The following BCL2L12 variants were observed in gnomAD, a reference collection of about 807,000 sequenced individuals.
BCL2L12 encodes bcl-2-like protein 12.
A neutral mutation model predicts 25.7 loss-of-function variants in BCL2L12; 27 were observed. The ratio of observed to expected loss-of-function variants is 1.05; its 90% CI spans 0.78 to 1.45. The LOEUF (loss-of-function observed/expected upper bound fraction) is 1.45. BCL2L12 is among the 40% of genes most tolerant of loss of function. The probability of loss-of-function intolerance (pLI) is 0.00; values close to 1 mark genes in which losing one functional copy is unlikely to be tolerated. For missense variants in BCL2L12, 302 were observed against 329.8 expected (o/e 0.92, Z 0.65); for synonymous variants, 132 against 145.6 (o/e 0.91, Z 0.67).
rs555774945 is a variant in BCL2L12, at chr19:49,670,011, T to G, written c.430-205T>G. On this transcript the variant is annotated intron_variant, in intron 5 of 6. Transcript: ENST00000246784. ...TGTTGAGGCAAGGGCCTGGCATGGCTTAGGGACTCACGTTCCAGGCCACTA... is the reference window on the plus strand; with the variant it reads ...TGTTGAGGCAAGGGCCTGGCATGGCGTAGGGACTCACGTTCCAGGCCACTA... Among the ~76,000 whole-genome samples, 267 of 152,280 alleles carry G rather than the reference T, an allele frequency of 1.8e-3. 1 individual carries two copies. Among genetic ancestry groups the G allele is most frequent in the Middle Eastern group, 0.017 (5 of 294 alleles).
At chr19:49,665,876 G>C (rs778347169), upstream of BCL2L12, 3 of 1,611,320 alleles carry the variant, frequency 1.9e-6, no homozygotes, top group Non-Finnish European at 2.5e-6. Context: ...TTGGGTTTCC[G>C]GCCAGAGGCA....
At chr19:49,665,654 CG>C (rs2081688591), upstream of BCL2L12, 1 of 830,226 alleles carries the variant, frequency 1.2e-6, no homozygotes, top group African/African-American at 1.7e-5. Context: ...TCGGGGCGTG[CG>C]GGCAGCTGGA....
In BCL2L12 at chr19:49,669,015, T is replaced by C. The variant is rs766975124; in HGVS notation, c.338-9T>C. On this transcript the variant is annotated splice_polypyrimidine_tract_variant and intron_variant, in intron 4 of 6. Coordinates refer to ENST00000246784, the MANE Select transcript of BCL2L12 (RefSeq NM_138639.2). ...TTCTGCCCCCAGCCAAATTCTCTTC[T>C]GCCTCCAGAATTACAGGGTCCCCCA... 6.2e-7 allele frequency: 1 copy of C among 1,613,946 alleles called. No individual in the cohort carries two copies. Among genetic ancestry groups the C allele is most frequent in the Admixed American group, 1.7e-5 (1 of 60,004 alleles).
intron 5 of BCL2L12, among the ~76,000 whole-genome samples, chr19:49,669,596 C>T (rs2081909835): frequency 6.6e-6 from 1 of 150,680 alleles, no homozygotes; most frequent in East Asian, 1.9e-4. Flanking sequence ...TAGTACTGTA[C>T]CGTAAATTAG....
chr19:49,671,820 T>G (rs997948187), intron 6 of BCL2L12, among the ~76,000 whole-genome samples: 2 of 152,166 alleles, frequency 1.3e-5, no homozygotes, highest in Non-Finnish European at 2.9e-5. Context: ...GGGAACCCCC[T>G]GCCTCCGTCC....
intron 1 of BCL2L12, 121 bp from the exon 2 acceptor site, chr19:49,666,564 C>A: frequency 1.4e-6 from 1 of 695,888 alleles, no homozygotes; most frequent in Non-Finnish European, 2.4e-6. Flanking sequence ...GACCCACACT[C>A]TCCAAAGGAC....
upstream of BCL2L12, chr19:49,665,521 C>T: frequency 3.3e-6 from 1 of 307,574 alleles, no homozygotes; most frequent in Non-Finnish European, 6.1e-6. Flanking sequence ...CCTTGCTCCA[C>T]TTTCCCCAGA....
intron 3 of BCL2L12, among the ~76,000 whole-genome samples, chr19:49,668,566 G>A (rs1443320369): frequency 1.3e-5 from 2 of 152,062 alleles, no homozygotes; most frequent in Non-Finnish European, 2.9e-5. Flanking sequence ...CACTTTGGGA[G>A]GCTGAGGTGG....
At position 49,672,149 on chromosome 19, in the gene BCL2L12, G is replaced by A. The variant is rs2081972997; in HGVS notation, c.703-1549G>A. ...GATTGGGCTCCAGCGTGCTGGCCCTGTGGCTTGGCGACTGTCGCAGTCTCC... is the reference window on the plus strand; with the variant it reads ...GATTGGGCTCCAGCGTGCTGGCCCTATGGCTTGGCGACTGTCGCAGTCTCC... On this transcript the variant is annotated intron_variant, in intron 6 of 6. Transcript: ENST00000246784. This position sits in a 1 kb window ranked among gnomAD's most constrained non-coding sequence, Gnocchi z 4.1. 6.6e-6 allele frequency: 1 copy of A among 152,452 alleles called. No individual in the cohort carries two copies. Among genetic ancestry groups the A allele is most frequent in the Non-Finnish European group, 1.5e-5 (1 of 68,118 alleles). 9.4% of individuals were successfully genotyped at this position (152,452 alleles called of 1,614,324 possible).
At position 49,673,749 on chromosome 19, in the gene BCL2L12, GC is replaced by G. The variant is rs753253708; in HGVS notation, c.*2del. On this transcript the variant is annotated 3_prime_UTR_variant, in exon 7 of 7. Transcript: ENST00000246784. Reference sequence around the variant, plus strand: ...GGACTTGAACTTGCCATTGGACTGAGCTCTTTCTCAGAAGCTGCTACAAGAT... The same window carrying G: ...GGACTTGAACTTGCCATTGGACTGAGTCTTTCTCAGAAGCTGCTACAAGAT... 17 of 1,614,028 alleles carry G rather than the reference GC, an allele frequency of 1.1e-5. No individual in the cohort carries two copies. The highest frequency in any genetic ancestry group is 5.0e-5 in the Admixed American group (3 of 59,992).
rs1258463132 is a variant in BCL2L12 at position 49,672,690 on chromosome 19, C to G, written c.703-1008C>G. On this transcript the variant is annotated intron_variant, in intron 6 of 6. Coordinates refer to ENST00000246784, the MANE Select transcript of BCL2L12 (RefSeq NM_138639.2). The surrounding 1 kb of genome is among the most constrained non-coding windows in gnomAD (Gnocchi z 4.1). ...GGGGACAGACTAAAGGATGCTGGCC[C>G]GAGCAGCTGCAGGGCGACATCTTAA... Among the ~76,000 whole-genome samples, 1 of 149,122 alleles carries G rather than the reference C, an allele frequency of 6.7e-6. No homozygotes were observed. The highest frequency in any genetic ancestry group is 2.0e-4 in the East Asian group (1 of 5,076).
At chr19:49,666,103 G>A (rs1168439785) in intron 1 of BCL2L12, 36 bp downstream of exon 1, 7 of 1,526,300 alleles carry the variant, frequency 4.6e-6, no homozygotes, top group Admixed American at 2.0e-5. Context: ...GGGTGAGGAG[G>A]GAAGAGGAGG....
intron 3 of BCL2L12, 76 bp downstream of exon 3, chr19:49,667,237 G>A (rs201413687): frequency 4.2e-4 from 665 of 1,565,962 alleles, no homozygotes; most frequent in Admixed American, 5.2e-4. Context: ...ACTCAGCTAG[G>A]GGGTGGCTGT....
At chr19:49,666,225 G>C (rs987820438) in intron 1 of BCL2L12, among the ~76,000 whole-genome samples, 158 bp downstream of exon 1, 4 of 152,244 alleles carry the variant, frequency 2.6e-5, no homozygotes, top group Non-Finnish European at 5.9e-5. Flanking sequence ...CTCACAGCAG[G>C]CTGCGCGGCG....
rs532620767 is a variant in BCL2L12, at chr19:49,666,119, G to A, written c.-9+52G>A. Reference sequence around the variant, plus strand: ...GGTGAGGAGGGAAGAGGAGGGGGCCGGGATCCAGTGGTGGGCACCCCAGTC... The same window carrying A: ...GGTGAGGAGGGAAGAGGAGGGGGCCAGGATCCAGTGGTGGGCACCCCAGTC... On this transcript the variant is annotated intron_variant, in intron 1 of 6. Transcript: ENST00000246784. The A allele has an allele frequency of 1.5e-5, 23 of 1,512,882 alleles. No individual in the cohort carries two copies. The East Asian group carries it at 4.5e-4, about 29-fold the overall frequency. The allele number at this position is 1,512,882 out of a possible 1,614,324, so 93.7% of individuals were successfully genotyped here.
intron 6 of BCL2L12, among the ~76,000 whole-genome samples, chr19:49,671,886 T>C (rs900653344): frequency 9.2e-5 from 14 of 152,180 alleles, no homozygotes; most frequent in Admixed American, 7.9e-4. Context: ...CAGGTCCCCA[T>C]TGACAATCAC....
chr19:49,665,595 A>G (rs1472096432), upstream of BCL2L12: 3 of 545,934 alleles, frequency 5.5e-6, no homozygotes, highest in Non-Finnish European at 6.5e-6. Flanking sequence ...TCGCTCTCGG[A>G]CGCCACCAAC....
At chr19:49,668,072 A>G (rs904027074) in intron 3 of BCL2L12, among the ~76,000 whole-genome samples, 1 of 144,936 alleles carries the variant, frequency 6.9e-6, no homozygotes, top group Non-Finnish European at 1.5e-5. Flanking sequence ...GAGCCACCGC[A>G]CCCTGTCAGC....
Position 49,666,803 on chromosome 19 carries a change from A to G in BCL2L12, c.107+4A>G, listed in dbSNP as rs2081791109. ...CTCCTGTTCCAACTCCACCTAGGTA[A>G]GAGGAGTGGCCCTTCTCCCCCAGGG... On this transcript the variant is annotated splice_donor_region_variant and intron_variant, in intron 2 of 6. Coordinates refer to ENST00000246784, the MANE Select transcript of BCL2L12 (RefSeq NM_138639.2). 6.4e-7 allele frequency: 1 copy of G among 1,554,700 alleles called. No individual in the cohort carries two copies. The highest frequency in any genetic ancestry group is 2.4e-5 in the East Asian group (1 of 41,334).
Sources: allele counts gnomAD v4.1 joint callset (sites outside exome capture counted in the v4.1 genomes callset), GRCh38; gene constraint gnomAD v4.1.1; non-coding constraint Gnocchi (gnomAD v3.1); transcripts MANE v1.5; gene names NCBI Gene and HGNC (gene_info 2026-07-23, HGNC 2026-07-21).